The following CLVS1 variants were observed in gnomAD, a reference collection of about 807,000 sequenced individuals.
The protein encoded by CLVS1 is clavesin-1.
A neutral mutation model predicts 33.1 loss-of-function variants in CLVS1; 10 were observed. The observed-to-expected ratio is 0.30, with a 90% confidence interval of 0.19 to 0.51. The LOEUF is 0.51. Among genes scored for constraint, CLVS1 ranks in the 20% least tolerant of loss-of-function variants. The probability of loss-of-function intolerance (pLI) is 0.97; values close to 1 mark genes in which losing one functional copy is unlikely to be tolerated. For missense variants in CLVS1, 343 were observed against 433.4 expected (o/e 0.79, Z 1.85); for synonymous variants, 163 against 166.1 (o/e 0.98, Z 0.14).
rs150916637 is a variant in CLVS1, at chr8:61,249,390, T to C, written c.-151-50287T>C. On this transcript the variant is annotated intron_variant, in intron 2 of 2. Transcript: ENST00000522621. ...GTGCTGCAATAAACATACACATGCA[T>C]GTGTCTTTATAGTAGAATGATTTAT... Among the ~76,000 whole-genome samples, 278 of 152,328 alleles carry C rather than the reference T, an allele frequency of 1.8e-3. 1 individual carries two copies. The highest frequency in any genetic ancestry group is 6.5e-3 in the African/African-American group (270 of 41,572).
intron 2 of CLVS1, among the ~76,000 whole-genome samples, chr8:61,212,514 T>C (rs536036312): frequency 6.6e-6 from 1 of 152,168 alleles, no homozygotes; most frequent in African/African-American, 2.4e-5. Context: ...AGAGGAGCCA[T>C]TGAAAGGCTT....
intron 2 of CLVS1, among the ~76,000 whole-genome samples, chr8:61,374,733 G>T (rs1813573081): frequency 6.6e-6 from 1 of 152,152 alleles, no homozygotes; most frequent in Non-Finnish European, 1.5e-5. Flanking sequence ...ATGAGAAAAG[G>T]TTAAAGTTAC....
At chr8:61,003,087 T>C in the CLVS1 span, among the ~76,000 whole-genome samples, 1 of 152,042 alleles carries the variant, frequency 6.6e-6, no homozygotes, top group Admixed American at 6.5e-5. Context: ...GAGAGAGCGG[T>C]TTCTGAGAAA....
At chr8:61,280,661 G>A (rs918056961) in intron 2 of CLVS1, among the ~76,000 whole-genome samples, 3 of 152,156 alleles carry the variant, frequency 2.0e-5, no homozygotes, top group African/African-American at 7.2e-5. Context: ...ACATTTCCGT[G>A]GGCCTTTGCC....
chr8:61,406,732 C>T (rs10081580), intron 3 of CLVS1, among the ~76,000 whole-genome samples: 4,872 of 152,062 alleles, frequency 0.032, 135 homozygotes, highest in African/African-American at 0.072. Flanking sequence ...CTCAGCCTCC[C>T]GAGTAGCTGG....
intron 1 of CLVS1, among the ~76,000 whole-genome samples, chr8:61,067,015 G>A (rs911731990): frequency 6.6e-6 from 1 of 152,032 alleles, no homozygotes; most frequent in Non-Finnish European, 1.5e-5. Flanking sequence ...CCTGAGTCAG[G>A]AGCCATAAAT....
At chr8:61,310,750 A>C (rs961433425) in intron 2 of CLVS1, among the ~76,000 whole-genome samples, 3 of 152,244 alleles carry the variant, frequency 2.0e-5, no homozygotes, top group African/African-American at 7.2e-5. Context: ...CCAGCCCAGC[A>C]AAGGACACTG....
intron 1 of CLVS1, among the ~76,000 whole-genome samples, chr8:61,127,817 A>C (rs1172923726): frequency 2.6e-5 from 4 of 152,224 alleles, no homozygotes. Flanking sequence ...CTAGGTACAC[A>C]GTCTGTCTAT....
At chr8:61,471,767 G>T (rs1022504486) in intron 5 of CLVS1, among the ~76,000 whole-genome samples, 10 of 152,156 alleles carry the variant, frequency 6.6e-5, no homozygotes, top group African/African-American at 2.4e-4. Flanking sequence ...CCCTGGCCTG[G>T]AGGACAATTA....
chr8:61,020,710 T>C, the CLVS1 span, among the ~76,000 whole-genome samples: 1 of 152,248 alleles, frequency 6.6e-6, no homozygotes, highest in African/African-American at 2.4e-5. Context: ...TGAGAAGACA[T>C]AGCTTGCTTA....
chr8:61,121,942 C>T (rs978061573), intron 1 of CLVS1, among the ~76,000 whole-genome samples: 1 of 152,106 alleles, frequency 6.6e-6, no homozygotes, highest in Non-Finnish European at 1.5e-5. Flanking sequence ...AAATAAAGAC[C>T]CTGAAATACA....
chr8:61,105,874 T>A (rs7844926), intron 1 of CLVS1, among the ~76,000 whole-genome samples: 1 of 151,812 alleles, frequency 6.6e-6, no homozygotes, highest in Admixed American at 6.6e-5. Context: ...ACAGCCCAAA[T>A]TGGACCCGTT....
At chr8:61,011,390 C>G in the CLVS1 span, among the ~76,000 whole-genome samples, 1 of 152,146 alleles carries the variant, frequency 6.6e-6, no homozygotes, top group South Asian at 2.1e-4. Context: ...GTTATTTTGC[C>G]TGTGCTTTGA....
At chr8:61,458,609 TTG>T in intron 5 of CLVS1, 67 bp downstream of exon 5, 1 of 1,049,740 alleles carries the variant, frequency 9.5e-7, no homozygotes, top group Non-Finnish European at 1.4e-6. Flanking sequence ...TTTGGACCTA[TTG>T]TGAATTATTA....
At chr8:61,351,624 G>A (rs1442485566) in intron 2 of CLVS1, among the ~76,000 whole-genome samples, 1 of 151,826 alleles carries the variant, frequency 6.6e-6, no homozygotes. Context: ...TAAAACAAAG[G>A]AACACACATC....
At chr8:61,177,591 T>G (rs1382465478) in intron 2 of CLVS1, among the ~76,000 whole-genome samples, 1 of 152,110 alleles carries the variant, frequency 6.6e-6, no homozygotes, top group African/African-American at 2.4e-5. Context: ...TGGCATCAAG[T>G]TGGCGCCCCT....
At chr8:61,313,616 A>G (rs1810915969) in intron 2 of CLVS1, among the ~76,000 whole-genome samples, 1 of 152,122 alleles carries the variant, frequency 6.6e-6, no homozygotes, top group Non-Finnish European at 1.5e-5. Flanking sequence ...GGAGACAGGG[A>G]ACTGTGTCTT....
chr8:61,101,072 G>A (rs895829668), intron 1 of CLVS1, among the ~76,000 whole-genome samples: 6 of 151,994 alleles, frequency 3.9e-5, no homozygotes, highest in Non-Finnish European at 7.4e-5. Flanking sequence ...ATGTTTCATC[G>A]TTCTTGGTAT....
At chr8:61,488,733 A>G (rs1294033163) in intron 5 of CLVS1, among the ~76,000 whole-genome samples, 1 of 152,212 alleles carries the variant, frequency 6.6e-6, no homozygotes, top group Non-Finnish European at 1.5e-5. Context: ...AACTGAGATG[A>G]GTTAGCTAAT....
Sources: gnomAD v4.1 joint callset for allele counts (sites outside exome capture counted in the v4.1 genomes callset) on GRCh38, gnomAD v4.1.1 for gene constraint, MANE v1.5 for transcripts, NCBI Gene and HGNC (gene_info 2026-07-23, HGNC 2026-07-21) for gene names.